The following ZMYM2 variants were observed in gnomAD, a reference collection of about 807,000 sequenced individuals.
ZMYM2 encodes the protein zinc finger MYM-type containing 2.
ZMYM2 carries 56 observed loss-of-function variants against 162.8 expected under a neutral mutation model. That is an observed-to-expected ratio of 0.34 (90% CI 0.28 to 0.43). The LOEUF (loss-of-function observed/expected upper bound fraction) is 0.43. ZMYM2 is among the 20% of genes least tolerant of loss of function. The pLI is 1.00. For synonymous variants in ZMYM2, 510 were observed against 541.6 expected (o/e 0.94, Z 0.81); for missense variants, 1,275 against 1,621.8 (o/e 0.79, Z 3.67).
At chr13:19,989,654 G>A (rs1161215806) in intron 2 of ZMYM2, among the ~76,000 whole-genome samples, 4 of 152,086 alleles carry the variant, frequency 2.6e-5, no homozygotes, top group Non-Finnish European at 4.4e-5. Context: ...TTTATCCTTT[G>A]TGTTGCAAAT....
chr13:19,965,037 GTAAC>G (rs199950452), intron 2 of ZMYM2, among the ~76,000 whole-genome samples: 8,407 of 151,588 alleles, frequency 0.055, 260 homozygotes, highest in South Asian at 0.09. Flanking sequence ...GTATACATAT[GTAAC>G]TAACCTGCAC....
At chr13:19,935,539 A>G in the ZMYM2 span, among the ~76,000 whole-genome samples, 59 of 152,120 alleles carry the variant, frequency 3.9e-4, no homozygotes, top group African/African-American at 1.3e-3. Flanking sequence ...CAATTTTTCC[A>G]CATACTTGCT....
intron 19 of ZMYM2, chr13:20,066,633 G>C (rs1566440996): frequency 2.6e-6 from 1 of 383,888 alleles, no homozygotes; most frequent in Non-Finnish European, 4.6e-6. Flanking sequence ...GAGAGAGGTT[G>C]ATCTTGCTGT....
chr13:20,051,596 A>G lies in ZMYM2; in HGVS notation c.2456A>G (p.Tyr819Cys), dbSNP rs1343491147. ...CAGAAAGGACCTGAAAACTTACATTATGGTATGTAATGATTTAGGTGATAA... is the reference window on the plus strand; with the variant it reads ...CAGAAAGGACCTGAAAACTTACATTGTGGTATGTAATGATTTAGGTGATAA... ...TTQKGPENLHYDQGCQTSRTK... is the reference protein window; with the variant it reads ...TTQKGPENLHCDQGCQTSRTK... The change falls in exon 13 of 25, where the codon TAT becomes TGT. Residue 819 changes from tyrosine to cysteine, a missense_variant and splice_region_variant. Transcript: ENST00000610343. 6.2e-6 allele frequency: 10 copies of G among 1,609,666 alleles called. No homozygotes were observed. The highest frequency in any genetic ancestry group is 3.4e-5 in the Admixed American group (2 of 58,848).
intron 3 of ZMYM2, among the ~76,000 whole-genome samples, chr13:20,002,156 CTT>C (rs1950439851): frequency 6.6e-6 from 1 of 152,096 alleles, no homozygotes; most frequent in African/African-American, 2.4e-5. Context: ...TAAAATATGT[CTT>C]GGAAATAATT....
At chr13:20,034,999 T>C (rs1039127727) in intron 11 of ZMYM2, among the ~76,000 whole-genome samples, 1 of 152,236 alleles carries the variant, frequency 6.6e-6, no homozygotes, top group Non-Finnish European at 1.5e-5. Flanking sequence ...ACTAGGATTG[T>C]AGCTATGGGT....
chr13:19,937,128 A>C, the ZMYM2 span, among the ~76,000 whole-genome samples: 1 of 151,976 alleles, frequency 6.6e-6, no homozygotes, highest in Non-Finnish European at 1.5e-5. Flanking sequence ...AATATATGAC[A>C]TTAAATGACC....
At chr13:19,962,892 G>A (rs189708125) in intron 2 of ZMYM2, among the ~76,000 whole-genome samples, 68 of 140,658 alleles carry the variant, frequency 4.8e-4, no homozygotes, top group African/African-American at 1.7e-3. Context: ...CGTGATGTCT[G>A]CTCACTGCAG....
chr13:19,895,395 G>A, the ZMYM2 span, among the ~76,000 whole-genome samples: 1 of 151,758 alleles, frequency 6.6e-6, no homozygotes, highest in Non-Finnish European at 1.5e-5. Flanking sequence ...AGGAATTTAC[G>A]GTAATTCATA....
At position 20,013,836 on chromosome 13, in the gene ZMYM2, T is replaced by C. The variant is rs370445105; in HGVS notation, c.1513-5711T>C. Among the ~76,000 whole-genome samples, 172 of 152,284 alleles carry C rather than the reference T, an allele frequency of 1.1e-3. 1 individual carries two copies. The Middle Eastern group carries it at 0.017, about 15-fold the overall frequency. On this transcript the variant is annotated intron_variant, in intron 6 of 24. Transcript: ENST00000610343. ...TATTGAATTCAGTTTAGTAGTACTT[T>C]GTTGAGGATCTTTGCATCTATATTC...
At chr13:20,056,711 T>G (rs977664019) in intron 14 of ZMYM2, among the ~76,000 whole-genome samples, 1 of 150,606 alleles carries the variant, frequency 6.6e-6, no homozygotes, top group South Asian at 2.1e-4. Flanking sequence ...AAAAACATAA[T>G]GTGCATCACA....
chr13:19,877,211 C>CGA, the ZMYM2 span, among the ~76,000 whole-genome samples: 4 of 126,546 alleles, frequency 3.2e-5, no homozygotes, highest in African/African-American at 1.2e-4. Flanking sequence ...GACTCCGTCT[C>CGA]AAAAAAAAAA....
chr13:19,921,635 T>C, the ZMYM2 span, among the ~76,000 whole-genome samples: 67 of 152,290 alleles, frequency 4.4e-4, no homozygotes, highest in African/African-American at 1.4e-3. Flanking sequence ...TTAAAAAAAT[T>C]GTTCCCACCT....
chr13:19,900,287 A>C, the ZMYM2 span, among the ~76,000 whole-genome samples: 2 of 152,228 alleles, frequency 1.3e-5, no homozygotes, highest in African/African-American at 4.8e-5. Flanking sequence ...TGACAGAGCC[A>C]GTGAGACTGT....
the ZMYM2 span, among the ~76,000 whole-genome samples, chr13:19,894,158 T>G: frequency 6.6e-6 from 1 of 151,890 alleles, no homozygotes; most frequent in Non-Finnish European, 1.5e-5. Flanking sequence ...GGTTACGTCT[T>G]GATAAACCCA....
At chr13:19,880,309 C>G in the ZMYM2 span, among the ~76,000 whole-genome samples, 1 of 152,156 alleles carries the variant, frequency 6.6e-6, no homozygotes, top group African/African-American at 2.4e-5. Flanking sequence ...CACGGAATGT[C>G]TTTCCATTCG....
the ZMYM2 span, among the ~76,000 whole-genome samples, chr13:19,935,766 C>A: frequency 1.3e-5 from 2 of 152,082 alleles, no homozygotes; most frequent in Non-Finnish European, 2.9e-5. Flanking sequence ...CTGCCTTTTC[C>A]CCTTATAGGA....
intron 12 of ZMYM2, among the ~76,000 whole-genome samples, chr13:20,039,777 A>G (rs1031748819): frequency 4.6e-5 from 7 of 152,206 alleles, no homozygotes; most frequent in South Asian, 2.1e-4. Flanking sequence ...TCCCCAGCCT[A>G]TTGAGTTTTT....
At chr13:19,907,133 G>A in the ZMYM2 span, among the ~76,000 whole-genome samples, 3 of 152,012 alleles carry the variant, frequency 2.0e-5, no homozygotes, top group East Asian at 5.8e-4. Context: ...ATTATCTCCC[G>A]AAGTAGTATT....
Sources: gnomAD v4.1 joint callset for allele counts (sites outside exome capture counted in the v4.1 genomes callset) on GRCh38, gnomAD v4.1.1 for gene constraint, MANE v1.5 for transcripts, NCBI Gene and HGNC (gene_info 2026-07-23, HGNC 2026-07-21) for gene names.